AGXT2: variants seen among roughly 807,000 people sequenced by gnomAD.
The protein encoded by AGXT2 is alanine--glyoxylate aminotransferase 2.
A neutral mutation model predicts 62.5 loss-of-function variants in AGXT2; 61 were observed. That is an observed-to-expected ratio of 0.98 (90% CI 0.79 to 1.21). AGXT2 has a LOEUF of 1.21. AGXT2 is among the 50% of genes most tolerant of loss of function. The pLI, the probability that AGXT2 is intolerant of heterozygous loss-of-function variation, is 0.00. For missense variants in AGXT2, 666 were observed against 641.5 expected, an observed-to-expected ratio of 1.04 and a Z score of -0.41; for synonymous variants, 243 against 218.7, an observed-to-expected ratio of 1.11 and a Z score of -0.98.
intron 12 of AGXT2, among the ~76,000 whole-genome samples, chr5:35,007,472 C>T (rs377643267): frequency 7.9e-5 from 12 of 152,178 alleles, no homozygotes; most frequent in South Asian, 6.2e-4. Flanking sequence ...TAAGGAGATG[C>T]GATGGAGAGC....
At position 35,044,288 on chromosome 5, in the gene AGXT2, C is replaced by T. The variant is rs1355158964; in HGVS notation, c.88+3517G>A. Among the ~76,000 whole-genome samples the T allele has an allele frequency of 2.0e-5, 3 of 152,178 alleles. No individual in the cohort carries two copies. In the East Asian group the frequency reaches 5.8e-4, roughly 29 times the overall value. On this transcript the variant is annotated intron_variant, in intron 1 of 13. Coordinates refer to ENST00000231420, the MANE Select transcript of AGXT2 (RefSeq NM_031900.4). ...TCTGGTCGGTAGAGAAATTTTTCTCCTCTGCTTCTCTGTGCTGGAGCTGCC... is the reference window on the plus strand; with the variant it reads ...TCTGGTCGGTAGAGAAATTTTTCTCTTCTGCTTCTCTGTGCTGGAGCTGCC...
At chr5:35,028,852 A>C (rs575806577) in intron 7 of AGXT2, among the ~76,000 whole-genome samples, 5 of 152,170 alleles carry the variant, frequency 3.3e-5, no homozygotes, top group Non-Finnish European at 7.3e-5. Flanking sequence ...CTCCCCACCT[A>C]CCATCCCAGT....
Position 35,032,715 on chromosome 5 carries a change from C to T in AGXT2, c.769+17G>A, listed in dbSNP as rs760096726. On this transcript the variant is annotated intron_variant, in intron 7 of 13. Coordinates refer to ENST00000231420, the MANE Select transcript of AGXT2 (RefSeq NM_031900.4). The stretch of plus-strand genomic sequence containing the variant: ...AACTTCCAACACTCCACTGGCACCC[C>T]CCTTGCCCAGTCGGACCTGGTGCAC... 1 of 1,592,784 alleles carries T rather than the reference C, an allele frequency of 6.3e-7. No homozygotes were observed. The highest frequency in any genetic ancestry group is 1.7e-5 in the Admixed American group (1 of 57,564).
At chr5:35,003,295 G>C (rs1165380161) in intron 13 of AGXT2, among the ~76,000 whole-genome samples, 1 of 152,214 alleles carries the variant, frequency 6.6e-6, no homozygotes, top group Non-Finnish European at 1.5e-5. Context: ...TGCAGGTGCT[G>C]TCGTGTTGCT....
intron 13 of AGXT2, among the ~76,000 whole-genome samples, chr5:35,000,722 T>G (rs960303455): frequency 7.9e-5 from 12 of 152,196 alleles, no homozygotes; most frequent in Admixed American, 3.9e-4. Context: ...GGTTTCTATC[T>G]TCATCTCACT....
At chr5:35,045,382 G>T (rs1266787923) in intron 1 of AGXT2, among the ~76,000 whole-genome samples, 3 of 151,850 alleles carry the variant, frequency 2.0e-5, no homozygotes, top group Non-Finnish European at 4.4e-5. Flanking sequence ...TTTTATTCAT[G>T]GCATGTGTCT....
At chr5:35,027,820 G>A (rs531268714) in intron 7 of AGXT2, among the ~76,000 whole-genome samples, 72 of 149,386 alleles carry the variant, frequency 4.8e-4, no homozygotes, top group African/African-American at 1.5e-3. Context: ...GGAAGTGAGC[G>A]TTCACAATGC....
At chr5:35,046,007 T>TCCGCCCGCCTCA (rs1372218534) in intron 1 of AGXT2, among the ~76,000 whole-genome samples, 3 of 152,194 alleles carry the variant, frequency 2.0e-5, no homozygotes, top group Middle Eastern at 6.8e-3. Context: ...GACCTCGTGA[T>TCCGCCCGCCTCA]CCGCCCGCCT....
intron 7 of AGXT2, among the ~76,000 whole-genome samples, chr5:35,030,585 G>T (rs1284404144): frequency 1.3e-5 from 2 of 152,200 alleles, no homozygotes; most frequent in African/African-American, 2.4e-5. Flanking sequence ...GAGCAGAAAT[G>T]TACGCCTGTC....
At chr5:35,005,185 G>A (rs1050743152) in intron 12 of AGXT2, among the ~76,000 whole-genome samples, 8 of 152,112 alleles carry the variant, frequency 5.3e-5, no homozygotes, top group African/African-American at 1.9e-4. Context: ...AGAGTAATCC[G>A]GAGGGAAGGT....
At chr5:35,023,415 G>A (rs13155120) in intron 9 of AGXT2, among the ~76,000 whole-genome samples, 47,384 of 151,952 alleles carry the variant, frequency 0.31, 8,225 homozygotes, top group Non-Finnish European at 0.4. Context: ...CCTAGTCCTC[G>A]CGATAGTCCT....
chr5:35,041,264 A>G (rs1474643643), intron 1 of AGXT2, among the ~76,000 whole-genome samples: 1 of 149,268 alleles, frequency 6.7e-6, no homozygotes, highest in Non-Finnish European at 1.5e-5. Context: ...TAAGACTGTG[A>G]TGAAACAGGG....
chr5:35,032,714 C>A lies in AGXT2; in HGVS notation c.769+18G>T, dbSNP rs1158981381. 3 of 1,591,346 alleles carry A rather than the reference C, an allele frequency of 1.9e-6. No individual in the cohort carries two copies. The highest frequency in any genetic ancestry group is 1.1e-5 in the South Asian group (1 of 87,958). The stretch of plus-strand genomic sequence containing the variant: ...CAACTTCCAACACTCCACTGGCACC[C>A]CCCTTGCCCAGTCGGACCTGGTGCA... On this transcript the variant is annotated intron_variant, in intron 7 of 13. Coordinates refer to ENST00000231420, the MANE Select transcript of AGXT2 (RefSeq NM_031900.4).
Position 35,010,030 on chromosome 5 carries a change from G to A in AGXT2, c.1308C>T (p.Leu436=), listed in dbSNP as rs775324605. The change falls in exon 12 of 14, where the codon CTC becomes CTT. Residue 436 remains leucine (L), a synonymous_variant. Transcript: ENST00000231420. ...CCTGCACCATTTCTATGCCTATCAT[G>A]AGACCTTTGCCTCGGACGTCTCCAA... ...EIVGDVRGKG[L]MIGIEMVQDK... 5.6e-6 allele frequency: 9 copies of A among 1,614,206 alleles called. No individual in the cohort carries two copies. Among genetic ancestry groups the A allele is most frequent in the Non-Finnish European group, 6.8e-6 (8 of 1,180,032 alleles).
At chr5:35,011,437 G>A (rs1172006434) in intron 11 of AGXT2, among the ~76,000 whole-genome samples, 1 of 146,998 alleles carries the variant, frequency 6.8e-6, no homozygotes, top group Non-Finnish European at 1.5e-5. Flanking sequence ...TCCAGTCTGG[G>A]TGACAGAGCA....
chr5:35,016,061 T>C (rs1052205446), intron 9 of AGXT2, among the ~76,000 whole-genome samples: 4 of 152,144 alleles, frequency 2.6e-5, no homozygotes, highest in Non-Finnish European at 4.4e-5. Context: ...TCCTTCCTAC[T>C]AATGAGCCTC....
At chr5:35,003,374 G>A (rs188256564) in intron 13 of AGXT2, among the ~76,000 whole-genome samples, 59 of 152,266 alleles carry the variant, frequency 3.9e-4, no homozygotes, top group Non-Finnish European at 7.2e-4. Flanking sequence ...GCTAAGAACG[G>A]CCAGAATTGC....
In AGXT2 at chr5:34,998,799, T is replaced by G. The variant is rs754635756; in HGVS notation, c.1465A>C (p.Ile489Leu). Reference sequence around the variant, plus strand: ...GCAAAATCAACTTCTGGTTTAGTGATGCACATTGAGGGCGCAATGCGAAAT... The same window carrying G: ...GCAAAATCAACTTCTGGTTTAGTGAGGCACATTGAGGGCGCAATGCGAAAT... The part of the protein sequence containing the change: ...QTFRIAPSMC[I>L]TKPEVDFAVE... The change falls in exon 14 of 14, where the codon ATC becomes CTC. Residue 489 changes from isoleucine (I) to leucine (L), a missense_variant. Transcript: ENST00000231420. 3 of 1,613,926 alleles carry G rather than the reference T, an allele frequency of 1.9e-6. No homozygotes were observed. Among genetic ancestry groups the G allele is most frequent in the South Asian group, 2.2e-5 (2 of 91,088 alleles).
At chr5:35,035,999 C>G (rs1767754175) in intron 4 of AGXT2, among the ~76,000 whole-genome samples, 1 of 152,112 alleles carries the variant, frequency 6.6e-6, no homozygotes, top group East Asian at 1.9e-4. Context: ...ATCACTTGAA[C>G]CCAGGAGGCA....
Sources: gnomAD v4.1 joint callset for allele counts (sites outside exome capture counted in the v4.1 genomes callset) on GRCh38, gnomAD v4.1.1 for gene constraint, MANE v1.5 for transcripts, NCBI Gene and HGNC (gene_info 2026-07-23, HGNC 2026-07-21) for gene names.